The following NT5DC1 variants were observed in gnomAD, a reference collection of about 807,000 sequenced individuals.
NT5DC1 encodes 5'-nucleotidase domain containing 1.
In NT5DC1, 42 loss-of-function variants were observed where a neutral mutation model predicts 59.4. The observed-to-expected ratio is 0.71, with a 90% confidence interval of 0.55 to 0.92. The LOEUF (loss-of-function observed/expected upper bound fraction) is 0.92. Ranked by LOEUF, NT5DC1 falls within the 40% of genes least tolerant of loss-of-function variation. The pLI, the probability that NT5DC1 is intolerant of heterozygous loss-of-function variation, is 0.00. For synonymous variants in NT5DC1, 172 were observed against 188.1 expected (o/e 0.91, Z 0.70); for missense variants, 501 against 537.1 (o/e 0.93, Z 0.66).
At chr6:116,114,884 T>G (rs1243223723) in intron 4 of NT5DC1, among the ~76,000 whole-genome samples, 4 of 152,186 alleles carry the variant, frequency 2.6e-5, no homozygotes, top group African/African-American at 9.7e-5. Flanking sequence ...ATGTGAAGTT[T>G]GCCACATGGG....
Position 116,108,410 on chromosome 6 carries a change from C to T in NT5DC1, c.232C>T (p.Leu78Phe). 1 of 1,607,914 alleles carries T rather than the reference C, an allele frequency of 6.2e-7. No individual in the cohort carries two copies. Among genetic ancestry groups the T allele is most frequent in the Non-Finnish European group, 8.5e-7 (1 of 1,174,534 alleles). Residue 78 changes from leucine to phenylalanine, a missense_variant, in exon 3 of 12, where the codon CTT becomes TTT. Coordinates refer to ENST00000319550, the MANE Select transcript of NT5DC1 (RefSeq NM_152729.3). Reference protein sequence around the residue: ...LDLEDGNFLKLANNGTVLRAS... With the variant: ...LDLEDGNFLKFANNGTVLRAS... ...TCTAGAAGATGGGAACTTCCTTAAA[C>T]TTGCAAATAATGGCACTGTTCTCAG... is the stretch of plus-strand genomic sequence containing the variant.
At chr6:116,159,174 G>T (rs117416797) in intron 6 of NT5DC1, among the ~76,000 whole-genome samples, 2,046 of 151,844 alleles carry the variant, frequency 0.013, 18 homozygotes, top group Non-Finnish European at 0.02. Context: ...TTTGGTTTTG[G>T]TTTTTTTAAA....
At position 116,115,701 on chromosome 6, in the gene NT5DC1, CT is replaced by C; in HGVS notation, c.379del (p.Tyr127ThrfsTer20). On this transcript the variant is annotated frameshift_variant, in exon 5 of 12. Transcript: ENST00000319550. LOFTEE classifies it high-confidence loss of function. ...TTTGTTCTTTTTTAGGAAAGTATTA[CT>C]TTTACGACAACTACTTTGACCTGCC... The part of the protein sequence containing the change: ...GMACRSGKYY[F>X]YDNYFDLPGA... 6.3e-7 allele frequency: 1 copy of C among 1,587,630 alleles called. No homozygotes were observed. The highest frequency in any genetic ancestry group is 8.6e-7 in the Non-Finnish European group (1 of 1,156,184).
chr6:116,139,373 A>G (rs558811167), intron 6 of NT5DC1, among the ~76,000 whole-genome samples: 1 of 152,292 alleles, frequency 6.6e-6, no homozygotes, highest in African/African-American at 2.4e-5. Flanking sequence ...TTTGAATAAT[A>G]CAGTCTAAAG....
chr6:116,117,860 G>C lies in NT5DC1; in HGVS notation c.445-1G>C. Reference sequence around the variant, plus strand: ...TGTTTCATTTGGAATTATTTTTTCAGCTGAACAATGGTCAAAAAACATTTG... The same window carrying C: ...TGTTTCATTTGGAATTATTTTTTCACCTGAACAATGGTCAAAAAACATTTG... On this transcript the variant is annotated splice_acceptor_variant, in intron 5 of 11. Transcript: ENST00000319550. LOFTEE classifies it high-confidence loss of function. The C allele has an allele frequency of 6.6e-7, 1 of 1,522,782 alleles. No homozygotes were observed. Among genetic ancestry groups the C allele is most frequent in the Middle Eastern group, 1.8e-4 (1 of 5,520 alleles). The allele number at this position is 1,522,782 out of a possible 1,614,324, so 94.3% of individuals were successfully genotyped here.
intron 6 of NT5DC1, among the ~76,000 whole-genome samples, chr6:116,165,970 C>T (rs1295121570): frequency 1.3e-5 from 2 of 152,170 alleles, no homozygotes; most frequent in Non-Finnish European, 1.5e-5. Flanking sequence ...TGAGGGGATA[C>T]CTGCACAAAC....
chr6:116,183,073 A>C (rs958928888), intron 6 of NT5DC1, among the ~76,000 whole-genome samples: 1 of 151,936 alleles, frequency 6.6e-6, no homozygotes, highest in Non-Finnish European at 1.5e-5. Flanking sequence ...ATGAGGATCC[A>C]TTTCGTTCTT....
intron 1 of NT5DC1, among the ~76,000 whole-genome samples, chr6:116,105,487 C>T (rs1326802842): frequency 6.6e-6 from 1 of 152,218 alleles, no homozygotes; most frequent in Non-Finnish European, 1.5e-5. Context: ...GTTTACCCAA[C>T]ACTGGCCAAA....
intron 4 of NT5DC1, among the ~76,000 whole-genome samples, chr6:116,111,718 T>C (rs1400133549): frequency 6.6e-6 from 1 of 152,248 alleles, no homozygotes; most frequent in African/African-American, 2.4e-5. Flanking sequence ...TTGTTATATT[T>C]GCTATCTTTT....
intron 6 of NT5DC1, among the ~76,000 whole-genome samples, chr6:116,122,858 C>T (rs1779174773): frequency 6.6e-6 from 1 of 151,930 alleles, no homozygotes; most frequent in African/African-American, 2.4e-5. Flanking sequence ...AATTTGAAAA[C>T]ATTGATTAAT....
At chr6:116,180,397 A>G (rs1780849715) in intron 6 of NT5DC1, among the ~76,000 whole-genome samples, 1 of 152,062 alleles carries the variant, frequency 6.6e-6, no homozygotes, top group African/African-American at 2.4e-5. Context: ...TGAAAATGGA[A>G]TGATAGAATT....
intron 6 of NT5DC1, among the ~76,000 whole-genome samples, chr6:116,214,242 G>A (rs1373686899): frequency 2.6e-5 from 4 of 151,998 alleles, no homozygotes; most frequent in African/African-American, 9.7e-5. Context: ...ATGTCAAATA[G>A]TACACTGAAA....
At chr6:116,225,016 T>C (rs1043142109) in intron 8 of NT5DC1, among the ~76,000 whole-genome samples, 4 of 152,276 alleles carry the variant, frequency 2.6e-5, no homozygotes, top group African/African-American at 9.6e-5. Flanking sequence ...GGCTCGGTGA[T>C]ACTTAAAGAA....
chr6:116,132,312 C>T (rs992597356), intron 6 of NT5DC1, among the ~76,000 whole-genome samples: 3 of 152,134 alleles, frequency 2.0e-5, no homozygotes, highest in African/African-American at 7.2e-5. Context: ...TTGTAGTTTT[C>T]ATTCTTCTTA....
At chr6:116,174,403 T>C (rs1048988222) in intron 6 of NT5DC1, among the ~76,000 whole-genome samples, 7 of 152,210 alleles carry the variant, frequency 4.6e-5, no homozygotes, top group Non-Finnish European at 8.8e-5. Flanking sequence ...GCAGTGTTAA[T>C]TCTTCCCCTC....
intron 3 of NT5DC1, among the ~76,000 whole-genome samples, chr6:116,109,007 T>C (rs553793721): frequency 2.6e-4 from 39 of 152,286 alleles, no homozygotes; most frequent in African/African-American, 8.7e-4. Flanking sequence ...CCTCTCTGAG[T>C]GGGCCCAGCC....
At chr6:116,205,287 G>A (rs1433825472) in intron 6 of NT5DC1, among the ~76,000 whole-genome samples, 1 of 151,846 alleles carries the variant, frequency 6.6e-6, no homozygotes, top group Admixed American at 6.6e-5. Context: ...TGACAACAAT[G>A]ATACTAGGGA....
chr6:116,192,153 TG>T (rs1781134056), intron 6 of NT5DC1, among the ~76,000 whole-genome samples: 1 of 151,974 alleles, frequency 6.6e-6, no homozygotes, highest in South Asian at 2.1e-4. Context: ...GTTTAAGAAA[TG>T]GTGTGAGTTC....
intron 6 of NT5DC1, among the ~76,000 whole-genome samples, chr6:116,129,530 G>A (rs1488576100): frequency 6.6e-6 from 1 of 152,146 alleles, no homozygotes; most frequent in Non-Finnish European, 1.5e-5. Flanking sequence ...AGCAAGCTCG[G>A]CCCCCTTTTG....
Sources: allele counts gnomAD v4.1 joint callset (sites outside exome capture counted in the v4.1 genomes callset), GRCh38; gene constraint gnomAD v4.1.1; transcripts MANE v1.5; gene names NCBI Gene and HGNC (gene_info 2026-07-23, HGNC 2026-07-21).